ROBO2: variants seen among roughly 807,000 people sequenced by gnomAD.
The protein encoded by ROBO2 is roundabout guidance receptor 2.
ROBO2 carries 53 observed loss-of-function variants against 160.8 expected under a neutral mutation model. The observed-to-expected ratio is 0.33, with a 90% confidence interval of 0.26 to 0.41. The LOEUF is 0.41. Ranked by LOEUF, ROBO2 falls within the 10% of genes least tolerant of loss-of-function variation. ROBO2 has a pLI of 1.00. For synonymous variants in ROBO2, 664 were observed against 611.7 expected, an observed-to-expected ratio of 1.09 and a Z score of -1.26; for missense variants, 1,577 against 1,722.4, an observed-to-expected ratio of 0.92 and a Z score of 1.49.
intron 2 of ROBO2, among the ~76,000 whole-genome samples, chr3:76,384,708 A>G (rs1366280350): frequency 6.6e-6 from 1 of 152,138 alleles, no homozygotes; most frequent in Admixed American, 6.5e-5. Flanking sequence ...AGGAAGGGTA[A>G]GTACTGAGGA....
intron 2 of ROBO2, among the ~76,000 whole-genome samples, chr3:76,404,044 G>C (rs559851431): frequency 8.6e-5 from 13 of 151,488 alleles, no homozygotes; most frequent in Non-Finnish European, 1.8e-4. Flanking sequence ...CTAGGTTTTA[G>C]GCAAATGAAT....
chr3:76,328,143 G>T (rs935498398), intron 2 of ROBO2, among the ~76,000 whole-genome samples: 8 of 152,286 alleles, frequency 5.3e-5, no homozygotes, highest in Admixed American at 3.3e-4. Context: ...TCATCCAAAA[G>T]TGATATATCT....
intron 2 of ROBO2, among the ~76,000 whole-genome samples, chr3:76,330,622 GATC>G (rs2073409224): frequency 6.6e-6 from 1 of 152,088 alleles, no homozygotes; most frequent in South Asian, 2.1e-4. Flanking sequence ...TAAAATAAAA[GATC>G]ATCATTAAGA....
intron 2 of ROBO2, among the ~76,000 whole-genome samples, chr3:77,137,717 G>A (rs957086559): frequency 2.0e-5 from 3 of 152,202 alleles, no homozygotes; most frequent in African/African-American, 7.2e-5. Flanking sequence ...GGACAAGTCT[G>A]TGCTTGAGAG....
intron 1 of ROBO2, among the ~76,000 whole-genome samples, chr3:77,045,756 A>G (rs1270531764): frequency 6.6e-6 from 1 of 152,230 alleles, no homozygotes; most frequent in Non-Finnish European, 1.5e-5. Context: ...GAAAGAAACT[A>G]TGTAGCTTGT....
intron 2 of ROBO2, among the ~76,000 whole-genome samples, chr3:76,904,945 T>A (rs1329027231): frequency 6.8e-6 from 1 of 147,226 alleles, no homozygotes; most frequent in Admixed American, 6.9e-5. Flanking sequence ...TTGACAGTTA[T>A]GAAAGTATTA....
At position 76,874,010 on chromosome 3, in the gene ROBO2, C is replaced by T. The variant is rs145177096; in HGVS notation, c.110-224004C>T. On this transcript the variant is annotated intron_variant, in intron 2 of 26. Transcript: ENST00000487694. ...GAGAGAGAACCAAACAGAAGCATAA[C>T]AGAAGTAGGCTAAAGAATGTAAATT... Among the ~76,000 whole-genome samples, 1,157 of 152,170 alleles carry T rather than the reference C, an allele frequency of 7.6e-3. 9 individuals carry two copies. The highest frequency in any genetic ancestry group is 0.017 in the Middle Eastern group (5 of 294).
At position 76,782,053 on chromosome 3, in the gene ROBO2, T is replaced by G. The variant is rs183590459; in HGVS notation, c.110-315961T>G. 5.5e-3 allele frequency among the ~76,000 whole-genome samples: 827 copies of G among 150,846 alleles called. 8 individuals carry two copies. Among genetic ancestry groups the G allele is most frequent in the Non-Finnish European group, 8.1e-3 (546 of 67,118 alleles). On this transcript the variant is annotated intron_variant, in intron 2 of 26. Coordinates refer to the ROBO2 transcript ENST00000487694. ...TCAGTCTACTTGTATGTTATTGGTC[T>G]GTTCAGATTTTTTATATTATCATGA...
chr3:77,040,323 C>CG (rs2063965098), exon 1 of ROBO2: 11 of 994,754 alleles, frequency 1.1e-5, no homozygotes, highest in Non-Finnish European at 1.3e-5. Flanking sequence ...AGAAGGAAAC[C>CG]GGGGGAAAGA....
intron 2 of ROBO2, among the ~76,000 whole-genome samples, chr3:75,971,119 A>G (rs1294482295): frequency 6.6e-6 from 1 of 151,428 alleles, no homozygotes; most frequent in Non-Finnish European, 1.5e-5. Flanking sequence ...TTTAGGACAT[A>G]AACAATTAGA....
intron 2 of ROBO2, among the ~76,000 whole-genome samples, chr3:76,079,579 G>A (rs533073469): frequency 1.3e-5 from 2 of 151,512 alleles, no homozygotes; most frequent in South Asian, 4.2e-4. Flanking sequence ...CGCCTCCCGG[G>A]TTCAAGCAAT....
intron 2 of ROBO2, among the ~76,000 whole-genome samples, chr3:77,234,796 A>T (rs1454644090): frequency 6.6e-6 from 1 of 152,186 alleles, no homozygotes; most frequent in Non-Finnish European, 1.5e-5. Context: ...ACAAAAATTC[A>T]AATAGTGTCT....
chr3:76,142,782 C>T (rs1047243198), intron 2 of ROBO2, among the ~76,000 whole-genome samples: 19 of 151,738 alleles, frequency 1.3e-4, no homozygotes, highest in Non-Finnish European at 2.6e-4. Flanking sequence ...TTCAGTTGTA[C>T]ATTTTTAAAT....
At chr3:76,323,559 A>G (rs1307123351) in intron 2 of ROBO2, among the ~76,000 whole-genome samples, 1 of 152,142 alleles carries the variant, frequency 6.6e-6, no homozygotes, top group African/African-American at 2.4e-5. Flanking sequence ...CAAACCCTCT[A>G]TTTTAAGAAA....
At chr3:77,325,620 A>G (rs1022676010) in intron 2 of ROBO2, among the ~76,000 whole-genome samples, 1 of 152,176 alleles carries the variant, frequency 6.6e-6, no homozygotes, top group Non-Finnish European at 1.5e-5. Flanking sequence ...GAATCTATTG[A>G]TGTTATAAAA....
At chr3:76,650,734 CT>C (rs534852586) in intron 2 of ROBO2, among the ~76,000 whole-genome samples, 34 of 152,172 alleles carry the variant, frequency 2.2e-4, no homozygotes, top group Non-Finnish European at 4.3e-4. Context: ...AAGCAGAATT[CT>C]GGAATAGAAA....
chr3:77,137,609 A>G (rs1300916378), intron 2 of ROBO2, among the ~76,000 whole-genome samples: 1 of 152,240 alleles, frequency 6.6e-6, no homozygotes, highest in Non-Finnish European at 1.5e-5. Context: ...AAACAAAATG[A>G]TGATAAAAGT....
At chr3:76,584,115 C>T (rs1279303934) in intron 2 of ROBO2, among the ~76,000 whole-genome samples, 5 of 152,092 alleles carry the variant, frequency 3.3e-5, no homozygotes, top group South Asian at 2.1e-4. Context: ...GGCTTCCTCT[C>T]GCTCTAATCT....
At chr3:76,496,714 C>A (rs773921323) in intron 2 of ROBO2, among the ~76,000 whole-genome samples, 1 of 152,132 alleles carries the variant, frequency 6.6e-6, no homozygotes, top group African/African-American at 2.4e-5. Flanking sequence ...AAGTCCAAAA[C>A]CTTAGAGTTT....
Sources: allele counts gnomAD v4.1 joint callset (sites outside exome capture counted in the v4.1 genomes callset), GRCh38; gene constraint gnomAD v4.1.1; transcripts MANE v1.5; gene names NCBI Gene and HGNC (gene_info 2026-07-23, HGNC 2026-07-21).